UBTD1: variants seen among roughly 807,000 people sequenced by gnomAD.
The protein encoded by UBTD1 is ubiquitin domain containing 1.
Under a neutral mutation model 21.7 loss-of-function variants are expected in UBTD1, and 19 were observed. That is an observed-to-expected ratio of 0.87 (90% CI 0.61 to 1.28). UBTD1 has a LOEUF of 1.28. Among genes scored for constraint, UBTD1 ranks in the 50% most tolerant of loss-of-function variants. The probability of loss-of-function intolerance (pLI) is 0.00; values close to 1 mark genes in which losing one functional copy is unlikely to be tolerated. For missense variants in UBTD1, 282 were observed against 315.1 expected, an observed-to-expected ratio of 0.89 and a Z score of 0.80; for synonymous variants, 116 against 135.1, an observed-to-expected ratio of 0.86 and a Z score of 0.98.
At chr10:97,535,968 A>AATTATTATTATTATTATTGTT (rs1554865892) in intron 1 of UBTD1, among the ~76,000 whole-genome samples, 16 of 90,172 alleles carry the variant, frequency 1.8e-4, no homozygotes, top group African/African-American at 3.4e-4. Context: ...GTTGGAGAGA[A>AATTATTATTATTATTATTGTT]ATTATTATTA....
intron 1 of UBTD1, among the ~76,000 whole-genome samples, chr10:97,530,131 C>CT (rs982398695): frequency 1.3e-5 from 2 of 152,174 alleles, no homozygotes; most frequent in African/African-American, 2.4e-5. Flanking sequence ...CCTTGAGAGC[C>CT]TTAGTGACTT....
At chr10:97,517,510 A>C (rs2040449624) in intron 1 of UBTD1, among the ~76,000 whole-genome samples, 1 of 151,876 alleles carries the variant, frequency 6.6e-6, no homozygotes, top group Non-Finnish European at 1.5e-5. Context: ...CCCCTTGCCG[A>C]GGTGTGGGGA....
In UBTD1 at chr10:97,560,675, A is replaced by G. The variant is rs199723706; in HGVS notation, c.71-7239A>G. ...TAATGCTGGCCAGTCTATTTCACACAAAGTTCTAAGTTTTCCTGGTGTCAC... is the reference window on the plus strand; with the variant it reads ...TAATGCTGGCCAGTCTATTTCACACGAAGTTCTAAGTTTTCCTGGTGTCAC... On this transcript the variant is annotated intron_variant, in intron 1 of 2. Coordinates refer to ENST00000370664, the MANE Select transcript of UBTD1 (RefSeq NM_024954.5). 3.0e-4 allele frequency among the ~76,000 whole-genome samples: 45 copies of G among 152,236 alleles called. 1 individual carries two copies. In the East Asian group the frequency reaches 7.9e-3, roughly 27 times the overall value.
At chr10:97,514,256 C>G (rs2040434264) in intron 1 of UBTD1, among the ~76,000 whole-genome samples, 1 of 152,128 alleles carries the variant, frequency 6.6e-6, no homozygotes, top group Non-Finnish European at 1.5e-5. Context: ...TCATTACCCA[C>G]TGCATGAGAG....
intron 1 of UBTD1, among the ~76,000 whole-genome samples, chr10:97,542,083 GT>G (rs1289716885): frequency 6.6e-6 from 1 of 152,164 alleles, no homozygotes; most frequent in Non-Finnish European, 1.5e-5. Flanking sequence ...AAGCCTCTGA[GT>G]TGTCTTCCCT....
chr10:97,523,292 C>T (rs1411961377), intron 1 of UBTD1, among the ~76,000 whole-genome samples: 1 of 152,214 alleles, frequency 6.6e-6, no homozygotes, highest in Non-Finnish European at 1.5e-5. Context: ...GGCAGGTCAA[C>T]AAGGTGGCCA....
intron 1 of UBTD1, among the ~76,000 whole-genome samples, chr10:97,556,157 T>C (rs1257051676): frequency 5.3e-5 from 8 of 152,154 alleles, no homozygotes; most frequent in Non-Finnish European, 1.2e-4. Flanking sequence ...ATTACTATTA[T>C]TACTCTTATT....
chr10:97,539,203 C>T (rs1174682239), intron 1 of UBTD1, among the ~76,000 whole-genome samples: 2 of 152,112 alleles, frequency 1.3e-5, no homozygotes, highest in Non-Finnish European at 2.9e-5. Flanking sequence ...CTGGAGGTGT[C>T]AGGAGGGATG....
intron 1 of UBTD1, among the ~76,000 whole-genome samples, chr10:97,527,526 G>A (rs2040495364): frequency 6.6e-6 from 1 of 151,734 alleles, no homozygotes; most frequent in Non-Finnish European, 1.5e-5. Flanking sequence ...TCGCAGAGGG[G>A]GATTTGGCAG....
chr10:97,525,563 G>C (rs1043279768), intron 1 of UBTD1, among the ~76,000 whole-genome samples: 1 of 152,210 alleles, frequency 6.6e-6, no homozygotes, highest in Non-Finnish European at 1.5e-5. Context: ...TGAGCCTAGT[G>C]GAAGTGAGTG....
chr10:97,539,810 C>T (rs1290708663), intron 1 of UBTD1, among the ~76,000 whole-genome samples: 1 of 152,094 alleles, frequency 6.6e-6, no homozygotes, highest in Non-Finnish European at 1.5e-5. Flanking sequence ...GAGGCCCTGT[C>T]TCTCCCTGCT....
At chr10:97,559,869 T>G (rs2040684624) in intron 1 of UBTD1, among the ~76,000 whole-genome samples, 1 of 152,172 alleles carries the variant, frequency 6.6e-6, no homozygotes, top group African/African-American at 2.4e-5. Flanking sequence ...GCTTAAACTT[T>G]TAAAACATTA....
chr10:97,534,062 G>A (rs1262710834), intron 1 of UBTD1, among the ~76,000 whole-genome samples: 1 of 152,192 alleles, frequency 6.6e-6, no homozygotes, highest in African/African-American at 2.4e-5. Context: ...GGCAGGACCA[G>A]CTGCAACCTT....
At chr10:97,552,802 A>C (rs1589881308) in intron 1 of UBTD1, among the ~76,000 whole-genome samples, 1 of 152,114 alleles carries the variant, frequency 6.6e-6, no homozygotes, top group South Asian at 2.1e-4. Context: ...TTAGCATCCT[A>C]CCTCACCATC....
chr10:97,540,396 G>C (rs755583300), intron 1 of UBTD1, among the ~76,000 whole-genome samples: 1 of 152,222 alleles, frequency 6.6e-6, no homozygotes, highest in Non-Finnish European at 1.5e-5. Context: ...AGGAGACGCA[G>C]TATCTTGTGG....
chr10:97,545,838 A>G (rs1485577412), intron 1 of UBTD1, among the ~76,000 whole-genome samples: 1 of 152,148 alleles, frequency 6.6e-6, no homozygotes, highest in Non-Finnish European at 1.5e-5. Flanking sequence ...TCTTTTTTTG[A>G]GACAGAGTCT....
chr10:97,523,615 G>A (rs1265238815), intron 1 of UBTD1, among the ~76,000 whole-genome samples: 1 of 152,178 alleles, frequency 6.6e-6, no homozygotes, highest in Non-Finnish European at 1.5e-5. Flanking sequence ...GTTGTAGAAG[G>A]TGGGCTAGAG....
intron 1 of UBTD1, among the ~76,000 whole-genome samples, chr10:97,499,783 T>G (rs2040334066): frequency 1.3e-5 from 2 of 152,122 alleles, no homozygotes; most frequent in Admixed American, 6.5e-5. Context: ...GGGAAAGAAA[T>G]CTTTATTTTT....
intron 1 of UBTD1, among the ~76,000 whole-genome samples, chr10:97,513,387 T>C (rs2040430400): frequency 6.6e-6 from 1 of 152,236 alleles, no homozygotes; most frequent in African/African-American, 2.4e-5. Flanking sequence ...AGGCAACATG[T>C]AGACCCTTTT....
Sources: gnomAD v4.1 joint callset for allele counts (sites outside exome capture counted in the v4.1 genomes callset) on GRCh38, gnomAD v4.1.1 for gene constraint, MANE v1.5 for transcripts, NCBI Gene and HGNC (gene_info 2026-07-23, HGNC 2026-07-21) for gene names.